The following FHIT variants were observed in gnomAD, a reference collection of about 807,000 sequenced individuals.
FHIT encodes bis(5'-adenosyl)-triphosphatase.
A neutral mutation model predicts 17.9 loss-of-function variants in FHIT; 19 were observed. That is an observed-to-expected ratio of 1.06 (90% CI 0.74 to 1.56). FHIT has a LOEUF of 1.56. Among genes scored for constraint, FHIT ranks in the 40% most tolerant of loss-of-function variants. The probability of loss-of-function intolerance (pLI) is 0.00; values close to 1 mark genes in which losing one functional copy is unlikely to be tolerated. For missense variants in FHIT, 248 were observed against 189.2 expected (o/e 1.31, Z -1.82); for synonymous variants, 81 against 69.7 (o/e 1.16, Z -0.81).
At chr3:60,459,784 A>G (rs2032342149) in intron 5 of FHIT, among the ~76,000 whole-genome samples, 2 of 152,228 alleles carry the variant, frequency 1.3e-5, no homozygotes, top group African/African-American at 2.4e-5. Context: ...CTCTCAGTTC[A>G]TTAACAGCAT....
rs114263347 is a variant in FHIT at position 60,744,478 on chromosome 3, T to C, written c.-18+77441A>G. ...TCCACAACTTTGTTCTAATAGGGGA[T>C]CCATGACAAGTCCCTCAAAAACAGA... On this transcript the variant is annotated intron_variant, in intron 4 of 9. Coordinates refer to ENST00000492590, the MANE Select transcript of FHIT (RefSeq NM_002012.4). Among the ~76,000 whole-genome samples the C allele has an allele frequency of 9.1e-3, 1,387 of 152,240 alleles. 23 individuals are homozygous for C. The highest frequency in any genetic ancestry group is 0.032 in the African/African-American group (1,322 of 41,522).
At chr3:61,226,900 A>T (rs1182580164) in intron 1 of FHIT, among the ~76,000 whole-genome samples, 5 of 152,244 alleles carry the variant, frequency 3.3e-5, no homozygotes, top group African/African-American at 1.2e-4. Flanking sequence ...GAAAACAGAC[A>T]CAGCCCCTGC....
intron 4 of FHIT, among the ~76,000 whole-genome samples, chr3:60,653,158 G>A (rs1553688770): frequency 6.6e-6 from 1 of 152,082 alleles, no homozygotes; most frequent in African/African-American, 2.4e-5. Context: ...AAGAAAATGA[G>A]CAAGTAAAAC....
chr3:61,197,187 T>C (rs1003931060), intron 2 of FHIT, among the ~76,000 whole-genome samples: 1 of 152,240 alleles, frequency 6.6e-6, no homozygotes, highest in African/African-American at 2.4e-5. Flanking sequence ...ACTGATGTTA[T>C]GCATTTGTTA....
In FHIT at chr3:60,379,343, C is replaced by T. The variant is rs115244579; in HGVS notation, c.103+157517G>A. 2.4e-3 allele frequency among the ~76,000 whole-genome samples: 362 copies of T among 152,032 alleles called. 1 individual carries two copies. Among genetic ancestry groups the T allele is most frequent in the African/African-American group, 8.4e-3 (348 of 41,440 alleles). ...ATAGGTCAAATTAACCAAACCTCCC[C>T]CAAAATATTGCTTTCAGTCAGTGAT... On this transcript the variant is annotated intron_variant, in intron 5 of 9. Coordinates refer to ENST00000492590, the MANE Select transcript of FHIT (RefSeq NM_002012.4).
chr3:60,070,288 C>G (rs1431010975), intron 5 of FHIT, among the ~76,000 whole-genome samples: 1 of 152,208 alleles, frequency 6.6e-6, no homozygotes, highest in Non-Finnish European at 1.5e-5. Context: ...TGGACCATGT[C>G]TGTCTCTACA....
chr3:60,586,151 G>A (rs1321750560), intron 4 of FHIT, among the ~76,000 whole-genome samples: 19 of 151,854 alleles, frequency 1.3e-4, no homozygotes, highest in Non-Finnish European at 2.4e-4. Flanking sequence ...CCTCTCACAT[G>A]AGCACACTGG....
intron 3 of FHIT, among the ~76,000 whole-genome samples, chr3:60,955,585 G>T: frequency 1.3e-5 from 1 of 78,402 alleles, no homozygotes; most frequent in African/African-American, 7.1e-5. Context: ...TATCTGCTTA[G>T]GCATATATAT....
chr3:60,441,833 C>T (rs530243511), intron 5 of FHIT, among the ~76,000 whole-genome samples: 2 of 122,056 alleles, frequency 1.6e-5, no homozygotes, highest in African/African-American at 3.1e-5. Flanking sequence ...TTTTTCCTCC[C>T]GCTCATTCTT....
intron 3 of FHIT, among the ~76,000 whole-genome samples, chr3:60,960,765 TC>T (rs1299946149): frequency 6.6e-6 from 1 of 152,216 alleles, no homozygotes; most frequent in Non-Finnish European, 1.5e-5. Context: ...CATGAACTCA[TC>T]CATTTTTATG....
intron 4 of FHIT, among the ~76,000 whole-genome samples, chr3:60,556,162 C>G (rs943198708): frequency 1.3e-5 from 2 of 152,180 alleles, no homozygotes; most frequent in Non-Finnish European, 2.9e-5. Context: ...TCACAGCCAT[C>G]TGGGTGATCC....
intron 4 of FHIT, among the ~76,000 whole-genome samples, chr3:60,672,601 AC>A (rs2040531876): frequency 6.6e-6 from 1 of 152,196 alleles, no homozygotes; most frequent in South Asian, 2.1e-4. Flanking sequence ...CTGGGCGTAT[AC>A]GTGCAAGTCA....
chr3:59,978,330 C>T (rs1482408643), intron 7 of FHIT, among the ~76,000 whole-genome samples: 1 of 152,048 alleles, frequency 6.6e-6, no homozygotes, highest in East Asian at 1.9e-4. Flanking sequence ...ATGCCAATTA[C>T]AACCTTATTT....
chr3:60,549,400 A>G (rs2036472573), intron 4 of FHIT, among the ~76,000 whole-genome samples: 1 of 152,126 alleles, frequency 6.6e-6, no homozygotes, highest in African/African-American at 2.4e-5. Context: ...TGACAACCCT[A>G]TGAGGAAGGT....
At chr3:60,487,649 G>C (rs775472205) in intron 5 of FHIT, among the ~76,000 whole-genome samples, 12 of 152,216 alleles carry the variant, frequency 7.9e-5, no homozygotes, top group African/African-American at 2.9e-4. Flanking sequence ...GCTTCCTGCA[G>C]TGCCTGACTA....
rs540914118 is a variant in FHIT at position 59,823,460 on chromosome 3, G to C, written c.349-71139C>G. On this transcript the variant is annotated intron_variant, in intron 8 of 9. Transcript: ENST00000492590. Reference sequence around the variant, plus strand: ...ATGCAAAATCCTTAAGAAAATACTTGCTAACTGAATCCAACAGCACATCAA... The same window carrying C: ...ATGCAAAATCCTTAAGAAAATACTTCCTAACTGAATCCAACAGCACATCAA... 2.6e-5 allele frequency among the ~76,000 whole-genome samples: 4 copies of C among 152,098 alleles called. No homozygotes were observed. In the South Asian group the frequency reaches 8.3e-4, roughly 32 times the overall value.
chr3:60,285,949 A>C (rs981729993), intron 5 of FHIT, among the ~76,000 whole-genome samples: 5 of 152,050 alleles, frequency 3.3e-5, no homozygotes, highest in Non-Finnish European at 5.9e-5. Context: ...ACGGCTAGCC[A>C]CTCCACGTGA....
At chr3:60,160,244 C>T (rs569598604) in intron 5 of FHIT, among the ~76,000 whole-genome samples, 18 of 152,014 alleles carry the variant, frequency 1.2e-4, no homozygotes, top group East Asian at 3.9e-4. Context: ...GTATGTTTTC[C>T]CCTAAAAATT....
chr3:60,038,579 C>T, intron 5 of FHIT, among the ~76,000 whole-genome samples: 1 of 152,078 alleles, frequency 6.6e-6, no homozygotes, highest in Non-Finnish European at 1.5e-5. Flanking sequence ...ATGAGTTGTG[C>T]CTTCATTAAG....
Sources: gnomAD v4.1 joint callset for allele counts (sites outside exome capture counted in the v4.1 genomes callset) on GRCh38, gnomAD v4.1.1 for gene constraint, MANE v1.5 for transcripts, NCBI Gene and HGNC (gene_info 2026-07-23, HGNC 2026-07-21) for gene names.